Variants in GABPB1 observed in about 807,000 individuals in gnomAD.
GABPB1 encodes GA-binding protein subunit beta-1.
A neutral mutation model predicts 45.9 loss-of-function variants in GABPB1; 15 were observed. The observed-to-expected ratio is 0.33, with a 90% CI of 0.22 to 0.50. The LOEUF (loss-of-function observed/expected upper bound fraction) is 0.50, where lower values mean the gene tolerates loss of function less well. Among genes scored for constraint, GABPB1 ranks in the 20% least tolerant of loss-of-function variants. GABPB1 has a pLI of 0.98. For synonymous variants in GABPB1, 143 were observed against 154.4 expected (o/e 0.93, Z 0.55); for missense variants, 252 against 457.5 (o/e 0.55, Z 4.10).
At chr15:50,332,157 G>A (rs1165770077) in intron 1 of GABPB1, among the ~76,000 whole-genome samples, 1 of 152,122 alleles carries the variant, frequency 6.6e-6, no homozygotes, top group Non-Finnish European at 1.5e-5. Context: ...TTATAGGTAT[G>A]AGCCACCGTG....
At chr15:50,303,253 A>C (rs2046821058) in intron 3 of GABPB1, 130 bp from the exon 4 acceptor site, 8 of 735,610 alleles carry the variant, frequency 1.1e-5, no homozygotes, top group Non-Finnish European at 4.3e-6. Flanking sequence ...TGTATATGTT[A>C]AATAGATGTT....
intron 1 of GABPB1, among the ~76,000 whole-genome samples, chr15:50,345,853 A>C (rs7174329): frequency 0.07 from 10,608 of 152,050 alleles, 634 homozygotes; most frequent in East Asian, 0.2. Flanking sequence ...CTGGAACTAC[A>C]GGCGCTCGCC....
chr15:50,306,827 G>A (rs1390717727), intron 2 of GABPB1, among the ~76,000 whole-genome samples: 1 of 151,746 alleles, frequency 6.6e-6, no homozygotes, highest in Non-Finnish European at 1.5e-5. Context: ...GTATTTCTCT[G>A]TGACTTGCCT....
At chr15:50,321,990 A>C (rs2047588732) in intron 1 of GABPB1, among the ~76,000 whole-genome samples, 1 of 152,132 alleles carries the variant, frequency 6.6e-6, no homozygotes, top group African/African-American at 2.4e-5. Flanking sequence ...ACCAAAAAAA[A>C]AAAAAAAATC....
Position 50,277,794 on chromosome 15 carries a change from T to C in GABPB1, c.*838A>G, listed in dbSNP as rs1251304779. On this transcript the variant is annotated 3_prime_UTR_variant, in exon 9 of 9. Transcript: ENST00000380877. ...AGAATACAGTTTCACGTCCCCACTC[T>C]TAAATTTTCAAAAAAGCACAGATTT... is the stretch of plus-strand genomic sequence containing the variant. 6.6e-6 allele frequency: 1 copy of C among 152,644 alleles called. No homozygotes were observed. The highest frequency in any genetic ancestry group is 2.4e-5 in the African/African-American group (1 of 41,466). The allele number at this position is 152,644 out of a possible 1,614,324, so 9.5% of individuals were successfully genotyped here. A position where few individuals can be genotyped will look rare whatever the true frequency, so the allele number is the denominator to read the frequency against.
At chr15:50,316,612 A>G (rs898359570) in intron 1 of GABPB1, among the ~76,000 whole-genome samples, 1 of 111,014 alleles carries the variant, frequency 9.0e-6, no homozygotes, top group Non-Finnish European at 2.2e-5. Context: ...CCCTACACAC[A>G]CCCAGTCTTT....
At chr15:50,352,388 G>T (rs570948392) in intron 1 of GABPB1, 31 of 149,560 alleles carry the variant, frequency 2.1e-4, no homozygotes, top group African/African-American at 7.4e-4. Flanking sequence ...AAGCTGGAAT[G>T]CAATGGCGCT....
chr15:50,324,415 G>A (rs2047676962), intron 1 of GABPB1, among the ~76,000 whole-genome samples: 1 of 152,020 alleles, frequency 6.6e-6, no homozygotes, highest in South Asian at 2.1e-4. Flanking sequence ...ACCAAGGTTT[G>A]GAAAAGTCAC....
chr15:50,300,531 C>G (rs548092248), intron 6 of GABPB1, among the ~76,000 whole-genome samples: 3 of 149,436 alleles, frequency 2.0e-5, no homozygotes, highest in Non-Finnish European at 3.0e-5. Flanking sequence ...CAGCCTTCAC[C>G]TCCCGGGTTC....
At chr15:50,298,121 T>G (rs1451619314) in intron 6 of GABPB1, among the ~76,000 whole-genome samples, 2 of 152,226 alleles carry the variant, frequency 1.3e-5, no homozygotes, top group African/African-American at 2.4e-5. Flanking sequence ...AGACAAGGTC[T>G]TGGTCTGTCA....
chr15:50,319,443 G>A (rs994634032), intron 1 of GABPB1, among the ~76,000 whole-genome samples: 6 of 151,944 alleles, frequency 3.9e-5, no homozygotes, highest in South Asian at 2.1e-4. Context: ...CACCCTCCCC[G>A]CTTTTGGACT....
At chr15:50,348,043 G>GAAA (rs763521486) in intron 1 of GABPB1, among the ~76,000 whole-genome samples, 3 of 113,720 alleles carry the variant, frequency 2.6e-5, no homozygotes, top group African/African-American at 4.1e-5. Context: ...ACTCCATCTG[G>GAAA]AAAAAAAAAA....
intron 1 of GABPB1, chr15:50,349,604 T>C (rs919196570): frequency 3.3e-5 from 5 of 152,196 alleles, no homozygotes; most frequent in Non-Finnish European, 7.3e-5. Flanking sequence ...TAATTGATTA[T>C]GGTAGGGTGG....
intron 6 of GABPB1, among the ~76,000 whole-genome samples, chr15:50,297,136 C>CCTGACCCCAA (rs1417754980): frequency 1.3e-5 from 2 of 151,634 alleles, no homozygotes; most frequent in African/African-American, 4.8e-5. Context: ...GTCTTGAACT[C>CCTGACCCCAA]CTGACCCCAA....
At chr15:50,344,502 T>C (rs2048492143) in intron 1 of GABPB1, among the ~76,000 whole-genome samples, 1 of 152,126 alleles carries the variant, frequency 6.6e-6, no homozygotes, top group South Asian at 2.1e-4. Context: ...ATCTAAAGTT[T>C]AAAGGAAGCA....
intron 1 of GABPB1, among the ~76,000 whole-genome samples, chr15:50,320,930 G>A (rs1490587821): frequency 1.3e-5 from 2 of 152,176 alleles, no homozygotes; most frequent in African/African-American, 2.4e-5. Flanking sequence ...ATCTCCTAAA[G>A]CTTCCAGAAG....
At chr15:50,322,846 G>C (rs2047622884) in intron 1 of GABPB1, among the ~76,000 whole-genome samples, 2 of 151,804 alleles carry the variant, frequency 1.3e-5, no homozygotes, top group Non-Finnish European at 2.9e-5. Flanking sequence ...GGGCAACATG[G>C]CAAAACCTGG....
intron 1 of GABPB1, among the ~76,000 whole-genome samples, chr15:50,343,045 G>A (rs999237681): frequency 7.2e-5 from 11 of 151,940 alleles, no homozygotes; most frequent in South Asian, 2.1e-4. Flanking sequence ...GACTACAGGC[G>A]CCCACCACCA....
At chr15:50,296,889 A>ATTC (rs1388427361) in intron 6 of GABPB1, among the ~76,000 whole-genome samples, 1 of 150,724 alleles carries the variant, frequency 6.6e-6, no homozygotes, top group Non-Finnish European at 1.5e-5. Context: ...TAACATACTT[A>ATTC]AACTTTAACT....
Sources: allele counts gnomAD v4.1 joint callset (sites outside exome capture counted in the v4.1 genomes callset), GRCh38; gene constraint gnomAD v4.1.1; transcripts MANE v1.5; gene names NCBI Gene and HGNC (gene_info 2026-07-23, HGNC 2026-07-21).